The following PCDHGB3 variants were observed in gnomAD, a reference collection of about 807,000 sequenced individuals.
PCDHGB3 encodes the protein protocadherin gamma subfamily B, 3.
A neutral mutation model predicts 59.2 loss-of-function variants in PCDHGB3; 40 were observed. The ratio of observed to expected loss-of-function variants is 0.68; its 90% CI spans 0.52 to 0.88. The LOEUF is 0.88. Among genes scored for constraint, PCDHGB3 ranks in the 40% least tolerant of loss-of-function variants. The pLI is 0.00. For synonymous variants in PCDHGB3, 581 were observed against 503.6 expected (o/e 1.15, Z -2.06); for missense variants, 1,309 against 1,187.9 (o/e 1.10, Z -1.50).
At position 141,430,782 on chromosome 5, in the gene PCDHGB3, G is replaced by C. The variant is rs1220976669; in HGVS notation, c.2415+57973G>C. 2.0e-6 allele frequency: 3 copies of C among 1,510,858 alleles called. No individual in the cohort carries two copies. The East Asian group carries it at 6.9e-5, about 35-fold the overall frequency. 93.6% of individuals were successfully genotyped at this position (1,510,858 alleles called of 1,614,324 possible). A position where few individuals can be genotyped will look rare whatever the true frequency, so the allele number is the denominator to read the frequency against. ...AGAATGATTCCTGCGCGACTGCACC[G>C]GGACTACAAAGGGCTTGTCCTGCTG... On this transcript the variant is annotated intron_variant, in intron 1 of 3. Coordinates refer to ENST00000576222, the MANE Select transcript of PCDHGB3 (RefSeq NM_018924.5).
At chr5:141,429,408 T>A (rs2097213256) in intron 1 of PCDHGB3, among the ~76,000 whole-genome samples, 1 of 151,838 alleles carries the variant, frequency 6.6e-6, no homozygotes, top group Non-Finnish European at 1.5e-5. Flanking sequence ...GAGATTAAGG[T>A]CTCATTATGT....
At chr5:141,399,937 G>C in intron 1 of PCDHGB3, 1 of 1,612,360 alleles carries the variant, frequency 6.2e-7, no homozygotes, top group African/African-American at 1.3e-5. Flanking sequence ...GTCCTACCAC[G>C]TGCTGCAGGC....
intron 1 of PCDHGB3, chr5:141,400,533 C>A (rs1416453682): frequency 6.2e-7 from 1 of 1,613,900 alleles, no homozygotes; most frequent in Non-Finnish European, 8.5e-7. Context: ...TGGTGAGTTT[C>A]ATTTATGTCT....
intron 1 of PCDHGB3, among the ~76,000 whole-genome samples, chr5:141,461,739 C>T (rs1048636018): frequency 3.9e-5 from 6 of 152,134 alleles, no homozygotes; most frequent in Non-Finnish European, 7.4e-5. Context: ...GGCACAATCC[C>T]GGCTCCCAGA....
intron 1 of PCDHGB3, chr5:141,389,160 G>T (rs759399243): frequency 1.2e-6 from 2 of 1,613,996 alleles, no homozygotes; most frequent in Admixed American, 3.3e-5. Flanking sequence ...AACAGATCGG[G>T]GCAAGCCTCC....
intron 1 of PCDHGB3, chr5:141,388,159 G>A (rs1420782628): frequency 6.8e-7 from 1 of 1,473,814 alleles, no homozygotes; most frequent in African/African-American, 1.4e-5. Context: ...AGGCTAGACA[G>A]GGAGGAGATA....
chr5:141,456,698 C>T (rs1466672057), intron 1 of PCDHGB3, among the ~76,000 whole-genome samples: 1 of 152,132 alleles, frequency 6.6e-6, no homozygotes, highest in Non-Finnish European at 1.5e-5. Flanking sequence ...GGCGTGGTGG[C>T]TCGCGCCTGT....
intron 1 of PCDHGB3, chr5:141,404,131 A>G (rs756505012): frequency 1.2e-6 from 2 of 1,613,162 alleles, no homozygotes; most frequent in South Asian, 2.2e-5. Context: ...TATCTTTTAC[A>G]TTAGAAAATT....
intron 1 of PCDHGB3, chr5:141,422,006 C>G: frequency 6.2e-7 from 1 of 1,609,754 alleles, no homozygotes; most frequent in Non-Finnish European, 8.5e-7. Flanking sequence ...AGCTCCGGAA[C>G]TCGGGTGCTG....
chr5:141,417,387 G>GA (rs1356605500), intron 1 of PCDHGB3: 1 of 154,090 alleles, frequency 6.5e-6, no homozygotes, highest in Non-Finnish European at 1.4e-5. Context: ...AAATTTTGAA[G>GA]AAAAAATATT....
rs753372015 is a variant in PCDHGB3 at position 141,422,180 on chromosome 5, T to C, written c.2415+49371T>C. The stretch of plus-strand genomic sequence containing the variant: ...TTTGAAAAATATAGATTCTATGAGA[T>C]GGAAATTCAAGGCCAAGATGGTGGA... On this transcript the variant is annotated intron_variant, in intron 1 of 3. Coordinates refer to ENST00000576222, the MANE Select transcript of PCDHGB3 (RefSeq NM_018924.5). 1.1e-5 allele frequency: 17 copies of C among 1,562,190 alleles called. No homozygotes were observed. In the African/African-American group the frequency reaches 1.9e-4, roughly 18 times the overall value.
In PCDHGB3 at chr5:141,415,739, G is replaced by GTTT. The variant is rs1561759437; in HGVS notation, c.2415+42930_2415+42931insTTT. 6 of 435,150 alleles carry GTTT rather than the reference G, an allele frequency of 1.4e-5. No individual in the cohort carries two copies. The African/African-American group carries it at 1.6e-4, about 12-fold the overall frequency. 27.0% of individuals were successfully genotyped at this position (435,150 alleles called of 1,614,324 possible). ...ATGAGTAGAATTTGATGTTTATTAAGGTTTTTTTTTTTTTTTTTTTTTTTT... is the reference window on the plus strand; with the variant it reads ...ATGAGTAGAATTTGATGTTTATTAAGTTTGTTTTTTTTTTTTTTTTTTTTTTTT... On this transcript the variant is annotated intron_variant, in intron 1 of 3. Transcript: ENST00000576222.
chr5:141,408,053 TC>T, intron 1 of PCDHGB3: 1 of 1,288,090 alleles, frequency 7.8e-7, no homozygotes, highest in South Asian at 1.6e-5. Context: ...ACACAGAGCC[TC>T]CCGGCTGCGC....
At chr5:141,433,995 C>G (rs995723859) in intron 1 of PCDHGB3, among the ~76,000 whole-genome samples, 1 of 152,028 alleles carries the variant, frequency 6.6e-6, no homozygotes, top group Non-Finnish European at 1.5e-5. Context: ...GTTTTATATT[C>G]TCTATATATG....
chr5:141,396,477 A>C (rs920260792), intron 1 of PCDHGB3: 1 of 152,040 alleles, frequency 6.6e-6, no homozygotes, highest in Non-Finnish European at 1.5e-5. Context: ...AAAATTAGCC[A>C]GGCATGGTGG....
chr5:141,487,127 A>T lies in PCDHGB3; in HGVS notation c.2416-7680A>T. ...GGTCATTGTGGTAAAGGATAGTGGT[A>T]GTCCACCACTCTCTACCTCTGTTAC... On this transcript the variant is annotated intron_variant, in intron 1 of 3. Coordinates refer to ENST00000576222, the MANE Select transcript of PCDHGB3 (RefSeq NM_018924.5). The surrounding 1 kb of genome is among the most constrained non-coding windows in gnomAD (Gnocchi z 5.0). 6.2e-7 allele frequency: 1 copy of T among 1,613,334 alleles called. No individual in the cohort carries two copies. Among genetic ancestry groups the T allele is most frequent in the Admixed American group, 1.7e-5 (1 of 60,026 alleles).
intron 1 of PCDHGB3, chr5:141,389,721 G>A (rs1477842058): frequency 2.5e-6 from 4 of 1,612,502 alleles, no homozygotes; most frequent in Non-Finnish European, 1.7e-6. Context: ...TAGCGAGCCC[G>A]GGCTCTTCAG....
chr5:141,385,672 C>A, intron 1 of PCDHGB3: 2 of 389,948 alleles, frequency 5.1e-6, no homozygotes, highest in Non-Finnish European at 7.4e-6. Flanking sequence ...ATAAAACACA[C>A]CTCAGCTGTC....
chr5:141,387,321 T>G (rs2090906935), intron 1 of PCDHGB3, among the ~76,000 whole-genome samples: 1 of 152,226 alleles, frequency 6.6e-6, no homozygotes, highest in African/African-American at 2.4e-5. Context: ...TGAGTAAGTA[T>G]GGAAAATTAC....
Sources: allele counts gnomAD v4.1 joint callset (sites outside exome capture counted in the v4.1 genomes callset), GRCh38; gene constraint gnomAD v4.1.1; non-coding constraint Gnocchi (gnomAD v3.1); transcripts MANE v1.5; gene names NCBI Gene and HGNC (gene_info 2026-07-23, HGNC 2026-07-21).